The following SH3BGRL2 variants were observed in gnomAD, a reference collection of about 807,000 sequenced individuals.
SH3BGRL2 encodes SH3 domain binding glutamate rich protein like 2, also known as SH3 domain-binding glutamic acid-rich-like protein 2.
A neutral mutation model predicts 14.8 loss-of-function variants in SH3BGRL2; 21 were observed. The observed-to-expected ratio is 1.42, with a 90% CI of 1.01 to 2.05. The LOEUF is 2.05. Ranked by LOEUF, SH3BGRL2 falls within the 30% of genes most tolerant of loss-of-function variation. The pLI is 0.00. For missense variants in SH3BGRL2, 147 were observed against 130.8 expected (o/e 1.12, Z -0.61); for synonymous variants, 50 against 47.8 (o/e 1.05, Z -0.19).
At chr6:79,672,130 A>G (rs1769786863) in intron 1 of SH3BGRL2, among the ~76,000 whole-genome samples, 1 of 152,090 alleles carries the variant, frequency 6.6e-6, no homozygotes, top group Non-Finnish European at 1.5e-5. Context: ...AAAACAGGGC[A>G]TCTCTGTGGT....
intron 1 of SH3BGRL2, among the ~76,000 whole-genome samples, chr6:79,644,450 C>T (rs745424382): frequency 3.0e-4 from 45 of 152,132 alleles, no homozygotes; most frequent in Non-Finnish European, 5.4e-4. Flanking sequence ...TTCATCTGTC[C>T]AGTTTAATTG....
At chr6:79,592,715 T>G in the SH3BGRL2 span, among the ~76,000 whole-genome samples, 1 of 152,192 alleles carries the variant, frequency 6.6e-6, no homozygotes, top group Non-Finnish European at 1.5e-5. Flanking sequence ...GGACACCATA[T>G]AAGCCACCTT....
At chr6:79,664,751 A>G (rs1226251904) in intron 1 of SH3BGRL2, among the ~76,000 whole-genome samples, 1 of 152,250 alleles carries the variant, frequency 6.6e-6, no homozygotes, top group Non-Finnish European at 1.5e-5. Flanking sequence ...TAGCTATTCC[A>G]GGAAACCAAT....
chr6:79,547,526 A>G, the SH3BGRL2 span, among the ~76,000 whole-genome samples: 4 of 152,082 alleles, frequency 2.6e-5, no homozygotes, highest in Non-Finnish European at 5.9e-5. Context: ...TTGCCTCCCT[A>G]CCCCTGACCC....
intron 2 of SH3BGRL2, among the ~76,000 whole-genome samples, chr6:79,683,718 A>C (rs534857921): frequency 6.6e-6 from 1 of 152,170 alleles, no homozygotes; most frequent in Non-Finnish European, 1.5e-5. Context: ...AAGTGCTGGG[A>C]TTACAGGCGT....
intron 2 of SH3BGRL2, among the ~76,000 whole-genome samples, chr6:79,680,658 G>T (rs187656239): frequency 6.6e-6 from 1 of 151,984 alleles, no homozygotes; most frequent in Admixed American, 6.6e-5. Context: ...TCTGTAGATT[G>T]CTTTGGGTAT....
At chr6:79,537,743 C>T in the SH3BGRL2 span, among the ~76,000 whole-genome samples, 1 of 152,122 alleles carries the variant, frequency 6.6e-6, no homozygotes, top group Non-Finnish European at 1.5e-5. Context: ...GTAAAATTGG[C>T]GACTGCGTAA....
At chr6:79,575,179 G>C in the SH3BGRL2 span, 2 of 152,026 alleles carry the variant, frequency 1.3e-5, no homozygotes, top group South Asian at 2.1e-4. Context: ...AGCTTTTTCA[G>C]TTCTTTTTTT....
chr6:79,565,749 C>G, the SH3BGRL2 span, among the ~76,000 whole-genome samples: 3,888 of 152,250 alleles, frequency 0.026, 62 homozygotes, highest in Middle Eastern at 0.075. Context: ...GGTATAGTCA[C>G]CAATTGAGGG....
At chr6:79,612,508 G>C in the SH3BGRL2 span, among the ~76,000 whole-genome samples, 2 of 152,120 alleles carry the variant, frequency 1.3e-5, no homozygotes, top group Admixed American at 1.3e-4. Context: ...GAAAATTTTA[G>C]CGGATTCCAA....
chr6:79,539,972 A>G, the SH3BGRL2 span, among the ~76,000 whole-genome samples: 21 of 152,240 alleles, frequency 1.4e-4, no homozygotes, highest in Admixed American at 1.3e-3. Flanking sequence ...ACAAAAATTC[A>G]AAAATTTTTT....
At chr6:79,616,204 C>T in the SH3BGRL2 span, among the ~76,000 whole-genome samples, 27,532 of 152,120 alleles carry the variant, frequency 0.18, 2,577 homozygotes, top group South Asian at 0.22. Context: ...GGCAGTGAGG[C>T]CTTGAACAGC....
the SH3BGRL2 span, among the ~76,000 whole-genome samples, chr6:79,543,610 C>G: frequency 1.3e-5 from 2 of 152,170 alleles, no homozygotes; most frequent in African/African-American, 4.8e-5. Flanking sequence ...TAATCCCCCA[C>G]CCACTTCCTG....
the SH3BGRL2 span, among the ~76,000 whole-genome samples, chr6:79,539,140 ACAGTAT>A: frequency 6.6e-6 from 1 of 152,204 alleles, no homozygotes; most frequent in East Asian, 1.9e-4. Context: ...ATTCAAAATA[ACAGTAT>A]CAGTTTGACC....
chr6:79,626,556 A>C (rs1768729843), upstream of SH3BGRL2, among the ~76,000 whole-genome samples: 1 of 152,168 alleles, frequency 6.6e-6, no homozygotes, highest in South Asian at 2.1e-4. Context: ...ATAAACTACT[A>C]TCATAATAAC....
intron 1 of SH3BGRL2, among the ~76,000 whole-genome samples, chr6:79,649,436 G>T (rs1769236089): frequency 6.6e-6 from 1 of 152,120 alleles, no homozygotes; most frequent in African/African-American, 2.4e-5. Context: ...ATAAATTTGT[G>T]TTTGGCAGGG....
chr6:79,612,787 TCA>T, the SH3BGRL2 span, among the ~76,000 whole-genome samples: 1 of 152,214 alleles, frequency 6.6e-6, no homozygotes, highest in Admixed American at 6.5e-5. Context: ...CCCACTTTGC[TCA>T]GTGTTTAGTA....
the SH3BGRL2 span, among the ~76,000 whole-genome samples, chr6:79,603,888 TC>T: frequency 6.6e-6 from 1 of 152,134 alleles, no homozygotes; most frequent in Non-Finnish European, 1.5e-5. Flanking sequence ...CACTGCAACC[TC>T]CACCTCCTGG....
chr6:79,606,396 T>C, the SH3BGRL2 span, among the ~76,000 whole-genome samples: 1 of 152,234 alleles, frequency 6.6e-6, no homozygotes, highest in Non-Finnish European at 1.5e-5. Flanking sequence ...GAGAGTTAGA[T>C]ACCCTTCCTG....
Sources: allele counts gnomAD v4.1 joint callset (sites outside exome capture counted in the v4.1 genomes callset), GRCh38; gene constraint gnomAD v4.1.1; transcripts MANE v1.5; gene names NCBI Gene and HGNC (gene_info 2026-07-23, HGNC 2026-07-21).